Variants in NLGN1 observed in about 807,000 individuals in gnomAD.
NLGN1 encodes the protein neuroligin 1.
A neutral mutation model predicts 65.5 loss-of-function variants in NLGN1; 12 were observed. The observed-to-expected ratio is 0.18, with a 90% confidence interval of 0.12 to 0.30. NLGN1 has a LOEUF of 0.30. Among genes scored for constraint, NLGN1 ranks in the 10% least tolerant of loss-of-function variants. NLGN1 has a pLI of 1.00. For synonymous variants in NLGN1, 350 were observed against 359.5 expected (o/e 0.97, Z 0.30); for missense variants, 750 against 1,007.1 (o/e 0.74, Z 3.46).
chr3:173,533,256 A>G (rs1050981242), intron 2 of NLGN1, among the ~76,000 whole-genome samples: 4 of 152,232 alleles, frequency 2.6e-5, no homozygotes, highest in African/African-American at 9.6e-5. Context: ...AAACATTGGA[A>G]GGTGTTTACT....
chr3:173,695,575 C>T, intron 3 of NLGN1: 1 of 344,998 alleles, frequency 2.9e-6, no homozygotes, highest in Non-Finnish European at 5.7e-6. Context: ...ACTATACTAG[C>T]ATGCTAACTA....
intron 3 of NLGN1, among the ~76,000 whole-genome samples, chr3:173,779,685 A>T (rs1489295867): frequency 6.6e-6 from 1 of 152,142 alleles, no homozygotes; most frequent in Admixed American, 6.5e-5. Flanking sequence ...ACTACTATGG[A>T]ACATAGGCTA....
At chr3:174,226,461 A>G (rs934289328) in intron 4 of NLGN1, among the ~76,000 whole-genome samples, 7 of 152,064 alleles carry the variant, frequency 4.6e-5, no homozygotes, top group African/African-American at 1.7e-4. Flanking sequence ...GCATTATTGC[A>G]TTTTTCTTGT....
intron 1 of NLGN1, among the ~76,000 whole-genome samples, chr3:173,421,177 A>C (rs1047747760): frequency 1.3e-5 from 2 of 152,114 alleles, no homozygotes; most frequent in African/African-American, 4.8e-5. Flanking sequence ...CAAATTTTTT[A>C]AAAATCATTT....
At chr3:173,406,540 A>AAT (rs1560208094) in intron 1 of NLGN1, among the ~76,000 whole-genome samples, 1 of 148,234 alleles carries the variant, frequency 6.7e-6, no homozygotes, top group Non-Finnish European at 1.5e-5. Flanking sequence ...TATATATATC[A>AAT]ATATATATGA....
At chr3:174,022,731 G>A (rs557022437) in intron 4 of NLGN1, among the ~76,000 whole-genome samples, 2 of 151,920 alleles carry the variant, frequency 1.3e-5, no homozygotes, top group East Asian at 1.9e-4. Context: ...AAGAATTTTC[G>A]TTTGATGCAG....
At chr3:173,600,587 CA>C (rs1750338515) in intron 2 of NLGN1, among the ~76,000 whole-genome samples, 14 of 15,898 alleles carry the variant, frequency 8.8e-4, no homozygotes, top group South Asian at 0.015. Context: ...GAAATAAAAA[CA>C]TATCTTTTTT....
intron 2 of NLGN1, among the ~76,000 whole-genome samples, chr3:173,539,770 T>G (rs1254056120): frequency 3.3e-5 from 4 of 120,638 alleles, no homozygotes; most frequent in Non-Finnish European, 6.5e-5. Flanking sequence ...CATGTACATA[T>G]ATAACACATA....
At chr3:173,424,791 G>T (rs1382890091) in intron 1 of NLGN1, among the ~76,000 whole-genome samples, 1 of 152,128 alleles carries the variant, frequency 6.6e-6, no homozygotes, top group East Asian at 1.9e-4. Context: ...GGAAGTTCCA[G>T]ACTTTCCCAT....
intron 2 of NLGN1, among the ~76,000 whole-genome samples, chr3:173,509,555 A>G (rs181903401): frequency 1.1e-4 from 16 of 152,272 alleles, no homozygotes; most frequent in Non-Finnish European, 2.2e-4. Flanking sequence ...TGAAGCTCCA[A>G]TGAGCCATAC....
chr3:173,897,248 C>T (rs1200403118), intron 4 of NLGN1, among the ~76,000 whole-genome samples: 5 of 152,144 alleles, frequency 3.3e-5, no homozygotes, highest in Non-Finnish European at 7.3e-5. Flanking sequence ...CAGGCAATCC[C>T]GCTAGAGATC....
chr3:174,068,345 T>G (rs1739109939), intron 4 of NLGN1, among the ~76,000 whole-genome samples: 1 of 152,148 alleles, frequency 6.6e-6, no homozygotes, highest in Non-Finnish European at 1.5e-5. Context: ...ATGCTAGATA[T>G]TCTGACCTCT....
At chr3:173,406,199 A>T (rs896869250) in intron 1 of NLGN1, among the ~76,000 whole-genome samples, 2 of 152,056 alleles carry the variant, frequency 1.3e-5, no homozygotes, top group Non-Finnish European at 2.9e-5. Flanking sequence ...TGGATGAGAA[A>T]GATTACTAAA....
At chr3:173,830,523 A>G (rs533778194) in intron 4 of NLGN1, among the ~76,000 whole-genome samples, 17 of 152,296 alleles carry the variant, frequency 1.1e-4, no homozygotes, top group African/African-American at 3.8e-4. Flanking sequence ...GGCATTATCC[A>G]TCTATTTGGG....
intron 2 of NLGN1, among the ~76,000 whole-genome samples, chr3:173,485,168 CTA>C (rs72397585): frequency 0.012 from 1,753 of 144,088 alleles, 33 homozygotes; most frequent in African/African-American, 0.043. Flanking sequence ...ATTTTTAACT[CTA>C]TCAGATCTTG....
intron 4 of NLGN1, among the ~76,000 whole-genome samples, chr3:173,823,899 A>G (rs1720815441): frequency 7.0e-6 from 1 of 142,620 alleles, no homozygotes; most frequent in African/African-American, 2.6e-5. Context: ...TTTTAAAATA[A>G]TGTTATTTTC....
At chr3:173,527,675 G>C (rs1422226167) in intron 2 of NLGN1, among the ~76,000 whole-genome samples, 1 of 152,204 alleles carries the variant, frequency 6.6e-6, no homozygotes, top group South Asian at 2.1e-4. Context: ...GGGATTACAG[G>C]CGTGAGCCAC....
intron 4 of NLGN1, among the ~76,000 whole-genome samples, chr3:174,059,791 C>T (rs774040827): frequency 2.6e-5 from 4 of 152,108 alleles, no homozygotes; most frequent in Admixed American, 6.6e-5. Flanking sequence ...AACCTAGGTT[C>T]AGAGCAGTTA....
In NLGN1 at chr3:173,456,568, A is replaced by G. The variant is rs533164388; in HGVS notation, c.-321+21490A>G. 3.3e-5 allele frequency among the ~76,000 whole-genome samples: 5 copies of G among 152,330 alleles called. No homozygotes were observed. The South Asian group carries it at 1.0e-3, about 32-fold the overall frequency. On this transcript the variant is annotated intron_variant, in intron 2 of 6. Transcript: ENST00000457714. ...GGAAACATTCAATGATTGTAGCTAT[A>G]GTATCTGTCAAAGACCAATTAGCAC...
Sources: allele counts gnomAD v4.1 joint callset (sites outside exome capture counted in the v4.1 genomes callset), GRCh38; gene constraint gnomAD v4.1.1; transcripts MANE v1.5; gene names NCBI Gene and HGNC (gene_info 2026-07-23, HGNC 2026-07-21).